Variants in USP6NL observed in about 807,000 individuals in gnomAD.
USP6NL encodes USP6 N-terminal-like protein.
USP6NL carries 26 observed loss-of-function variants against 61.9 expected under a neutral mutation model. That is an observed-to-expected ratio of 0.42 (90% CI 0.31 to 0.58). USP6NL has a LOEUF of 0.58. Among genes scored for constraint, USP6NL ranks in the 20% least tolerant of loss-of-function variants. The pLI is 0.16. For missense variants in USP6NL, 1,114 were observed against 1,034.3 expected (o/e 1.08, Z -1.06); for synonymous variants, 432 against 390.1 (o/e 1.11, Z -1.27).
intron 14 of USP6NL, among the ~76,000 whole-genome samples, chr10:11,464,374 G>A (rs530050614): frequency 8.5e-5 from 13 of 152,310 alleles, no homozygotes; most frequent in South Asian, 6.2e-4. Flanking sequence ...CAGTCACTGC[G>A]CGCTGGCCAC....
Position 11,478,656 on chromosome 10 carries a change from GCA to G in USP6NL, c.1078+3112_1078+3113del, listed in dbSNP as rs1213976215. On this transcript the variant is annotated intron_variant, in intron 14 of 14. Transcript: ENST00000609104. This position sits in a 1 kb window ranked among gnomAD's most constrained non-coding sequence, Gnocchi z 6.8. ...GAGGCCGGATACTCCTGTTATCCTA[GCA>G]CTTTGGGAGGCTGAGGTGGGCAGAT... Among the ~76,000 whole-genome samples the G allele has an allele frequency of 6.6e-6, 1 of 152,140 alleles. No homozygotes were observed. The highest frequency in any genetic ancestry group is 1.5e-5 in the Non-Finnish European group (1 of 68,026).
rs1186893970 is a variant in USP6NL, at chr10:11,487,755, T to C, written c.664+1347A>G. 2.6e-5 allele frequency among the ~76,000 whole-genome samples: 4 copies of C among 152,122 alleles called. No individual in the cohort carries two copies. The highest frequency in any genetic ancestry group is 4.4e-5 in the Non-Finnish European group (3 of 68,028). ...CATGCAGATGATATTTGTTAAGTAATTGGCAAGAAACACTAAGGGAGAAAG... is the reference window on the plus strand; with the variant it reads ...CATGCAGATGATATTTGTTAAGTAACTGGCAAGAAACACTAAGGGAGAAAG... On this transcript the variant is annotated intron_variant, in intron 10 of 14. Coordinates refer to ENST00000609104, the MANE Select transcript of USP6NL (RefSeq NM_014688.5). This position sits in a 1 kb window ranked among gnomAD's most constrained non-coding sequence, Gnocchi z 4.2.
In USP6NL at chr10:11,495,020, C is replaced by T. The variant is rs540263856; in HGVS notation, c.385-1792G>A. Among the ~76,000 whole-genome samples, 19 of 152,300 alleles carry T rather than the reference C, an allele frequency of 1.2e-4. No individual in the cohort carries two copies. Among genetic ancestry groups the T allele is most frequent in the African/African-American group, 4.6e-4 (19 of 41,578 alleles). ...GAAAGGGAGACTCCCTTTCCCTCTGCTAAGTAGCCGGTGTTTTCCCTTGAC... is the reference window on the plus strand; with the variant it reads ...GAAAGGGAGACTCCCTTTCCCTCTGTTAAGTAGCCGGTGTTTTCCCTTGAC... On this transcript the variant is annotated intron_variant, in intron 7 of 14. Transcript: ENST00000609104. This position sits in a 1 kb window ranked among gnomAD's most constrained non-coding sequence, Gnocchi z 4.6.
intron 2 of USP6NL, among the ~76,000 whole-genome samples, chr10:11,565,981 T>G (rs12569391): frequency 1.3e-5 from 2 of 152,052 alleles, no homozygotes; most frequent in Non-Finnish European, 2.9e-5. Flanking sequence ...CAGATAATAG[T>G]GCTCCACATG....
intron 2 of USP6NL, among the ~76,000 whole-genome samples, chr10:11,552,781 A>C (rs1343517849): frequency 6.6e-6 from 1 of 151,992 alleles, no homozygotes; most frequent in Non-Finnish European, 1.5e-5. Flanking sequence ...ACACCATCAC[A>C]CCATCTCAGG....
rs539157688 is a variant in USP6NL, at chr10:11,592,551, T to A, written c.4+5080A>T. On this transcript the variant is annotated intron_variant, in intron 2 of 14. Transcript: ENST00000609104. The surrounding 1 kb of genome is among the most constrained non-coding windows in gnomAD (Gnocchi z 4.7). ...TATCAAACATAAATGAGTCTTAATA[T>A]AACAAAAGGATACCTGTTATACTTT... 6.6e-6 allele frequency among the ~76,000 whole-genome samples: 1 copy of A among 152,374 alleles called. No homozygotes were observed. The highest frequency in any genetic ancestry group is 2.1e-4 in the South Asian group (1 of 4,828).
At chr10:11,582,820 T>C (rs1159163060) in intron 2 of USP6NL, among the ~76,000 whole-genome samples, 1 of 151,764 alleles carries the variant, frequency 6.6e-6, no homozygotes, top group African/African-American at 2.4e-5. Flanking sequence ...GAAATAAAAA[T>C]ATATTATTCC....
chr10:11,467,021 T>C (rs543268264), intron 14 of USP6NL, among the ~76,000 whole-genome samples: 1 of 152,348 alleles, frequency 6.6e-6, no homozygotes, highest in African/African-American at 2.4e-5. Flanking sequence ...TATCTCAATT[T>C]ATCTTACTTA....
intron 2 of USP6NL, among the ~76,000 whole-genome samples, chr10:11,546,563 G>A (rs4622163): frequency 0.11 from 15,765 of 148,142 alleles, 1,285 homozygotes; most frequent in East Asian, 0.43. Flanking sequence ...CACCATGTCC[G>A]GCTAATTGTT....
rs920325942 is a variant in USP6NL at position 11,510,591 on chromosome 10, T to C, written c.196-916A>G. ...GGAAAATGCTCGCTCTTCACTTGTT[T>C]GGTTTCCAGGAGAAGGAATATTTTT... On this transcript the variant is annotated intron_variant, in intron 5 of 14. Coordinates refer to ENST00000609104, the MANE Select transcript of USP6NL (RefSeq NM_014688.5). This position sits in a 1 kb window ranked among gnomAD's most constrained non-coding sequence, Gnocchi z 4.8. Among the ~76,000 whole-genome samples, 1 of 152,174 alleles carries C rather than the reference T, an allele frequency of 6.6e-6. No homozygotes were observed. The highest frequency in any genetic ancestry group is 6.5e-5 in the Admixed American group (1 of 15,280).
chr10:11,497,626 G>T (rs1833993371), intron 7 of USP6NL, among the ~76,000 whole-genome samples: 1 of 151,966 alleles, frequency 6.6e-6, no homozygotes, highest in Non-Finnish European at 1.5e-5. Context: ...TTCCTCCAGA[G>T]GACAAGAAAA....
rs984256817 is a variant in USP6NL at position 11,513,875 on chromosome 10, A to C, written c.196-4200T>G. 6.6e-6 allele frequency among the ~76,000 whole-genome samples: 1 copy of C among 152,170 alleles called. No individual in the cohort carries two copies. Among genetic ancestry groups the C allele is most frequent in the African/African-American group, 2.4e-5 (1 of 41,446 alleles). ...GCATTGCCTTTGCTGGCAGGTCCCC[A>C]AAGTGCCTTGGCCTTTGTCTCTGAT... On this transcript the variant is annotated intron_variant, in intron 5 of 14. Coordinates refer to ENST00000609104, the MANE Select transcript of USP6NL (RefSeq NM_014688.5). The surrounding 1 kb of genome is among the most constrained non-coding windows in gnomAD (Gnocchi z 4.7).
In USP6NL at chr10:11,463,306, T is replaced by C; in HGVS notation, c.1622A>G (p.Asp541Gly). The stretch of plus-strand genomic sequence containing the variant: ...CGATGCAGTGGAGCCCCGCTTCCCG[T>C]CCTCAGCATCCAGGGCCTTCATCTT... The part of the protein sequence containing the change: ...RPKMKALDAE[D>G]GKRGSTASQY... Residue 541 changes from aspartate (D) to glycine (G), a missense_variant, in exon 15 of 15, where the codon GAC becomes GGC. By Grantham distance (94) the Asp-to-Gly change is moderately conservative. Transcript: ENST00000609104. This position sits in a 1 kb window ranked among gnomAD's most constrained non-coding sequence, Gnocchi z 6.3. The C allele has an allele frequency of 6.2e-6, 10 of 1,613,898 alleles. No homozygotes were observed. The highest frequency in any genetic ancestry group is 8.5e-6 in the Non-Finnish European group (10 of 1,179,880).
intron 2 of USP6NL, among the ~76,000 whole-genome samples, chr10:11,555,433 A>AAAAAAAAAAATATATAT (rs1275798295): frequency 4.1e-5 from 2 of 49,030 alleles, no homozygotes; most frequent in African/African-American, 1.9e-4. Context: ...AAAAAAAAAA[A>AAAAAAAAAAATATATAT]ATATATATAT....
rs186465625 is a variant in USP6NL, at chr10:11,591,970, A to G, written c.4+5661T>C. ...CTGCAACCTCCACCTCCTGGGTTCA[A>G]GCAATTCTCCTGCCTCAGCCTCCTG... On this transcript the variant is annotated intron_variant, in intron 2 of 14. Coordinates refer to ENST00000609104, the MANE Select transcript of USP6NL (RefSeq NM_014688.5). The surrounding 1 kb of genome is among the most constrained non-coding windows in gnomAD (Gnocchi z 4.7). Among the ~76,000 whole-genome samples, 1 of 152,268 alleles carries G rather than the reference A, an allele frequency of 6.6e-6. No individual in the cohort carries two copies. Among genetic ancestry groups the G allele is most frequent in the East Asian group, 1.9e-4 (1 of 5,188 alleles).
In USP6NL at chr10:11,504,057, T is replaced by A. The variant is rs17150473; in HGVS notation, c.277-2849A>T. 4.1e-4 allele frequency among the ~76,000 whole-genome samples: 62 copies of A among 152,168 alleles called. 1 individual carries two copies. In the South Asian group the frequency reaches 0.01, roughly 26 times the overall value. On this transcript the variant is annotated intron_variant, in intron 6 of 14. Coordinates refer to ENST00000609104, the MANE Select transcript of USP6NL (RefSeq NM_014688.5). Reference sequence around the variant, plus strand: ...AAACTTAAAAGGAATATAAAAACGATGTCTTTGGAATCCAAGCAGTAGGAG... The same window carrying A: ...AAACTTAAAAGGAATATAAAAACGAAGTCTTTGGAATCCAAGCAGTAGGAG...
intron 2 of USP6NL, among the ~76,000 whole-genome samples, chr10:11,576,202 C>A (rs917995141): frequency 5.9e-5 from 9 of 152,062 alleles, no homozygotes; most frequent in Admixed American, 3.9e-4. Context: ...GCTATTCTTG[C>A]AACATTTTCC....
At chr10:11,569,334 TG>T (rs1189372506) in intron 2 of USP6NL, among the ~76,000 whole-genome samples, 1 of 152,208 alleles carries the variant, frequency 6.6e-6, no homozygotes, top group Non-Finnish European at 1.5e-5. Flanking sequence ...GACCATATTA[TG>T]GCAATTTTAA....
In USP6NL at chr10:11,491,873, A is replaced by G. The variant is rs1206521280; in HGVS notation, c.495-993T>C. Among the ~76,000 whole-genome samples, 1 of 152,240 alleles carries G rather than the reference A, an allele frequency of 6.6e-6. No homozygotes were observed. Among genetic ancestry groups the G allele is most frequent in the Non-Finnish European group, 1.5e-5 (1 of 68,052 alleles). ...AAGGGAATATGGAATGGGCAGTGAA[A>G]CGTGGCATTATAAACACCACCTGTG... On this transcript the variant is annotated intron_variant, in intron 8 of 14. Transcript: ENST00000609104. This position sits in a 1 kb window ranked among gnomAD's most constrained non-coding sequence, Gnocchi z 4.7.
Sources: gnomAD v4.1 joint callset for allele counts (sites outside exome capture counted in the v4.1 genomes callset) on GRCh38, gnomAD v4.1.1 for gene constraint, Gnocchi (gnomAD v3.1) non-coding constraint, MANE v1.5 for transcripts, NCBI Gene and HGNC (gene_info 2026-07-23, HGNC 2026-07-21) for gene names.